Variants in DNER observed in about 807,000 individuals in gnomAD.
DNER encodes the protein delta/notch like EGF repeat containing, also known as delta and Notch-like epidermal growth factor-related receptor.
A neutral mutation model predicts 78.2 loss-of-function variants in DNER; 33 were observed. The observed-to-expected ratio is 0.42, with a 90% CI of 0.32 to 0.56. The LOEUF (loss-of-function observed/expected upper bound fraction) is 0.56. Among genes scored for constraint, DNER ranks in the 20% least tolerant of loss-of-function variants. DNER has a pLI of 0.11. For synonymous variants in DNER, 417 were observed against 384.8 expected, an observed-to-expected ratio of 1.08 and a Z score of -0.98; for missense variants, 918 against 975.3, an observed-to-expected ratio of 0.94 and a Z score of 0.78.
intron 6 of DNER, among the ~76,000 whole-genome samples, chr2:229,498,307 C>T (rs1240798410): frequency 6.6e-6 from 1 of 151,972 alleles, no homozygotes; most frequent in Non-Finnish European, 1.5e-5. Flanking sequence ...TATGACAAGC[C>T]CAAAGCTAAC....
At chr2:229,379,532 A>G (rs1692687954) in intron 11 of DNER, among the ~76,000 whole-genome samples, 1 of 152,154 alleles carries the variant, frequency 6.6e-6, no homozygotes, top group South Asian at 2.1e-4. Context: ...ATAGGATTTC[A>G]CTTCAAAATT....
intron 1 of DNER, among the ~76,000 whole-genome samples, chr2:229,597,079 GTGTGCACA>G (rs1697732963): frequency 6.8e-6 from 1 of 148,054 alleles, no homozygotes; most frequent in Non-Finnish European, 1.5e-5. Flanking sequence ...ACACAAACAT[GTGTGCACA>G]CATGCACACA....
chr2:229,379,873 C>T (rs1481681351), intron 11 of DNER, among the ~76,000 whole-genome samples: 1 of 152,180 alleles, frequency 6.6e-6, no homozygotes. Flanking sequence ...TAGAATTTTA[C>T]CATTGAAATC....
chr2:229,436,703 C>T (rs1694127249), intron 8 of DNER, among the ~76,000 whole-genome samples: 1 of 152,150 alleles, frequency 6.6e-6, no homozygotes, highest in African/African-American at 2.4e-5. Flanking sequence ...ATCTAAGCTT[C>T]ATAAGCAAAG....
At chr2:229,557,689 T>C (rs550764242) in intron 4 of DNER, among the ~76,000 whole-genome samples, 2 of 145,100 alleles carry the variant, frequency 1.4e-5, no homozygotes, top group South Asian at 2.2e-4. Context: ...AGAAGGGTGA[T>C]GGGAAAAGAA....
intron 11 of DNER, among the ~76,000 whole-genome samples, chr2:229,385,099 CTAA>C (rs1559337193): frequency 7.6e-6 from 1 of 131,824 alleles, no homozygotes. Flanking sequence ...GAGACTCCAT[CTAA>C]AAAAAAAAAA....
intron 1 of DNER, among the ~76,000 whole-genome samples, chr2:229,692,561 A>C (rs1699596335): frequency 6.6e-6 from 1 of 152,258 alleles, no homozygotes; most frequent in South Asian, 2.1e-4. Context: ...AAGTTAAACT[A>C]TAAAACTGTA....
chr2:229,476,463 G>A (rs900144811), intron 7 of DNER, among the ~76,000 whole-genome samples: 7 of 152,158 alleles, frequency 4.6e-5, no homozygotes, highest in Non-Finnish European at 8.8e-5. Flanking sequence ...ACTCTATGTA[G>A]TTGTCAATGT....
chr2:229,385,908 C>A (rs367730117), intron 11 of DNER, among the ~76,000 whole-genome samples: 1 of 151,806 alleles, frequency 6.6e-6, no homozygotes, highest in African/African-American at 2.4e-5. Context: ...AAGTAATTTA[C>A]ACGTTCAATG....
chr2:229,604,065 C>T (rs777989775), intron 1 of DNER, among the ~76,000 whole-genome samples: 2 of 152,160 alleles, frequency 1.3e-5, no homozygotes, highest in Non-Finnish European at 2.9e-5. Flanking sequence ...CCTCTGTGTC[C>T]TCCTAATGAC....
intron 1 of DNER, among the ~76,000 whole-genome samples, chr2:229,619,902 C>T (rs1267889796): frequency 1.3e-5 from 2 of 152,154 alleles, no homozygotes; most frequent in Admixed American, 1.3e-4. Flanking sequence ...TCTCTCACCC[C>T]ACGGGTCATT....
At chr2:229,608,733 T>A (rs1697993270) in intron 1 of DNER, among the ~76,000 whole-genome samples, 1 of 152,000 alleles carries the variant, frequency 6.6e-6, no homozygotes, top group African/African-American at 2.4e-5. Context: ...GGGAAGTGGG[T>A]TGGGGAGGAG....
chr2:229,513,562 T>C (rs1388302635), intron 5 of DNER, among the ~76,000 whole-genome samples: 1 of 152,218 alleles, frequency 6.6e-6, no homozygotes, highest in African/African-American at 2.4e-5. Flanking sequence ...GAATTTGACT[T>C]GAAGCTTCAT....
chr2:229,520,047 A>G (rs969611565), intron 5 of DNER, among the ~76,000 whole-genome samples: 2 of 152,222 alleles, frequency 1.3e-5, no homozygotes, highest in African/African-American at 4.8e-5. Flanking sequence ...GAACAGACTT[A>G]GGAACTTCAG....
intron 6 of DNER, among the ~76,000 whole-genome samples, chr2:229,495,466 T>C (rs1171784637): frequency 6.6e-6 from 1 of 152,160 alleles, no homozygotes; most frequent in Non-Finnish European, 1.5e-5. Context: ...AGTTCCCGTC[T>C]GAAAGCTAGC....
chr2:229,505,219 T>TGTG (rs56268741), intron 6 of DNER, among the ~76,000 whole-genome samples: 19 of 149,368 alleles, frequency 1.3e-4, no homozygotes, highest in Non-Finnish European at 2.1e-4. Context: ...TGTGTGTGTG[T>TGTG]TGGCTACAAT....
intron 6 of DNER, among the ~76,000 whole-genome samples, chr2:229,479,136 GAC>G: frequency 6.6e-6 from 1 of 152,200 alleles, no homozygotes; most frequent in Non-Finnish European, 1.5e-5. Flanking sequence ...CCCTGCAAAG[GAC>G]ATGATCGCAT....
intron 5 of DNER, among the ~76,000 whole-genome samples, chr2:229,535,085 G>A (rs757645352): frequency 2.6e-5 from 4 of 152,088 alleles, no homozygotes; most frequent in African/African-American, 9.7e-5. Flanking sequence ...ATCGGCCTGC[G>A]TCGGCCTCCC....
At chr2:229,556,346 G>A (rs999546181) in intron 4 of DNER, among the ~76,000 whole-genome samples, 4 of 152,200 alleles carry the variant, frequency 2.6e-5, no homozygotes, top group Non-Finnish European at 5.9e-5. Context: ...GTTTGCAGGA[G>A]CTTTTTCAAA....
Sources: allele counts gnomAD v4.1 joint callset (sites outside exome capture counted in the v4.1 genomes callset), GRCh38; gene constraint gnomAD v4.1.1; transcripts MANE v1.5; gene names NCBI Gene and HGNC (gene_info 2026-07-23, HGNC 2026-07-21).